WDR49: variants seen among roughly 807,000 people sequenced by gnomAD.
WDR49 encodes the protein WD repeat domain 49, also known as cilia- and flagella-associated protein 337.
WDR49 carries 107 observed loss-of-function variants against 119.5 expected under a neutral mutation model. The ratio of observed to expected loss-of-function variants is 0.90; its 90% CI spans 0.77 to 1.05. The LOEUF is 1.05. WDR49 is among the 50% of genes least tolerant of loss of function. The probability of loss-of-function intolerance (pLI) is 0.00; values close to 1 mark genes in which losing one functional copy is unlikely to be tolerated. For synonymous variants in WDR49, 425 were observed against 418.8 expected, an observed-to-expected ratio of 1.01 and a Z score of -0.18; for missense variants, 1,240 against 1,220.5, an observed-to-expected ratio of 1.02 and a Z score of -0.24.
intron 12 of WDR49, 74 bp from the exon 13 acceptor site, chr3:167,531,353 C>T: frequency 1.3e-6 from 2 of 1,509,422 alleles, no homozygotes; most frequent in South Asian, 1.2e-5. Flanking sequence ...TATGAAATAG[C>T]AGGCCCACAT....
At chr3:167,519,475 T>A (rs1193121036) in intron 16 of WDR49, among the ~76,000 whole-genome samples, 1 of 152,156 alleles carries the variant, frequency 6.6e-6, no homozygotes, top group African/African-American at 2.4e-5. Context: ...TGAGATAATG[T>A]CCTCTGCAGG....
chr3:167,522,486 T>C lies in WDR49; in HGVS notation c.2605-2A>G, dbSNP rs1445158720. On this transcript the variant is annotated splice_acceptor_variant, in intron 15 of 18. Coordinates refer to ENST00000682715, the MANE Select transcript of WDR49 (RefSeq NM_001366157.1). LOFTEE classifies it high-confidence loss of function. ...GTTTTCAATATGCCAGTGCTTTGCCTGAAAAAAACGAAAACATCTGTTTTA... is the reference window on the plus strand; with the variant it reads ...GTTTTCAATATGCCAGTGCTTTGCCCGAAAAAAACGAAAACATCTGTTTTA... The C allele has an allele frequency of 6.3e-7, 1 of 1,584,412 alleles. No individual in the cohort carries two copies. Among genetic ancestry groups the C allele is most frequent in the Non-Finnish European group, 8.5e-7 (1 of 1,173,128 alleles).
chr3:167,504,437 G>A (rs560346898), intron 17 of WDR49, among the ~76,000 whole-genome samples: 91 of 152,324 alleles, frequency 6.0e-4, no homozygotes, highest in Admixed American at 1.8e-3. Context: ...AGACTTGCCT[G>A]GAGCCTAGAG....
intron 10 of WDR49, among the ~76,000 whole-genome samples, chr3:167,553,081 C>T (rs958327391): frequency 2.0e-5 from 3 of 151,952 alleles, no homozygotes; most frequent in Admixed American, 1.3e-4. Context: ...TTGTTAAATG[C>T]CTCCTGGTAA....
chr3:167,527,762 C>T, intron 15 of WDR49, 58 bp downstream of exon 15: 1 of 1,508,610 alleles, frequency 6.6e-7, no homozygotes, highest in Non-Finnish European at 9.0e-7. Context: ...AGAAATCAGC[C>T]CAAGTTAATA....
chr3:167,585,268 GC>G (rs1183034898), intron 7 of WDR49, among the ~76,000 whole-genome samples: 1 of 152,086 alleles, frequency 6.6e-6, no homozygotes, highest in Non-Finnish European at 1.5e-5. Context: ...TGATGAGCAT[GC>G]CTATTGGTAC....
At position 167,502,409 on chromosome 3, in the gene WDR49, G is replaced by A. The variant is rs545344783; in HGVS notation, c.2885-2110C>T. ...CATTGCTATAAAGATACCTGAAAAC[G>A]TGCAAGTGGCTTTGGAACTGGCTAA... On this transcript the variant is annotated intron_variant, in intron 17 of 18. Transcript: ENST00000682715. Among the ~76,000 whole-genome samples the A allele has an allele frequency of 4.2e-4, 64 of 152,310 alleles. No homozygotes were observed. The South Asian group carries it at 0.012, about 29-fold the overall frequency.
At chr3:167,554,595 T>C (rs1712803467) in intron 10 of WDR49, 55 bp downstream of exon 10, 1 of 1,212,928 alleles carries the variant, frequency 8.2e-7, no homozygotes, top group African/African-American at 1.6e-5. Context: ...ACCAAGATTT[T>C]TATGTTCTTT....
At chr3:167,645,046 T>A (rs1718053442) in intron 2 of WDR49, among the ~76,000 whole-genome samples, 1 of 151,928 alleles carries the variant, frequency 6.6e-6, no homozygotes, top group Non-Finnish European at 1.5e-5. Flanking sequence ...TGTGTATATA[T>A]GGATAAAAAT....
At chr3:167,629,407 T>G (rs1717268466) in intron 2 of WDR49, among the ~76,000 whole-genome samples, 1 of 152,074 alleles carries the variant, frequency 6.6e-6, no homozygotes, top group South Asian at 2.1e-4. Flanking sequence ...TTTAAAAGGG[T>G]ACTGCTCCAC....
intron 15 of WDR49, among the ~76,000 whole-genome samples, chr3:167,525,861 C>CAAA (rs34265030): frequency 5.0e-4 from 75 of 150,130 alleles, no homozygotes; most frequent in Admixed American, 1.0e-3. Flanking sequence ...AAACAAACAA[C>CAAA]AAAAAAAAAC....
chr3:167,515,209 C>G (rs545131965), intron 16 of WDR49, among the ~76,000 whole-genome samples: 1 of 152,224 alleles, frequency 6.6e-6, no homozygotes, highest in Admixed American at 6.5e-5. Flanking sequence ...AGCCAATATC[C>G]CTGATGAACA....
intron 9 of WDR49, among the ~76,000 whole-genome samples, chr3:167,556,242 T>C (rs1577237476): frequency 2.0e-5 from 3 of 152,312 alleles, no homozygotes; most frequent in East Asian, 3.9e-4. Context: ...GTTGACATCC[T>C]GAAGTTTTCA....
intron 5 of WDR49, among the ~76,000 whole-genome samples, chr3:167,610,309 T>C (rs1644540578): frequency 6.6e-6 from 1 of 152,174 alleles, no homozygotes; most frequent in South Asian, 2.1e-4. Context: ...AGGAGTCCAC[T>C]GCCCTGAAGG....
chr3:167,583,945 G>A (rs1291189837), intron 7 of WDR49, among the ~76,000 whole-genome samples: 8 of 152,084 alleles, frequency 5.3e-5, no homozygotes, highest in African/African-American at 1.9e-4. Flanking sequence ...GTCACTATGA[G>A]GAAGAATCAC....
intron 10 of WDR49, among the ~76,000 whole-genome samples, chr3:167,542,785 G>A (rs1043193131): frequency 6.6e-6 from 1 of 151,402 alleles, no homozygotes; most frequent in African/African-American, 2.4e-5. Context: ...AATATAACAA[G>A]GATCACAGCA....
chr3:167,534,772 C>G (rs977711229), intron 11 of WDR49, among the ~76,000 whole-genome samples: 1 of 152,238 alleles, frequency 6.6e-6, no homozygotes, highest in Non-Finnish European at 1.5e-5. Flanking sequence ...TTTTCATTCT[C>G]TTTAATATGC....
At chr3:167,646,356 G>A (rs897490710) in intron 2 of WDR49, among the ~76,000 whole-genome samples, 11 of 152,154 alleles carry the variant, frequency 7.2e-5, no homozygotes, top group African/African-American at 2.7e-4. Flanking sequence ...CTGGGGCCAA[G>A]GATCAGTTTG....
At chr3:167,576,855 G>C (rs1285290818) in intron 7 of WDR49, among the ~76,000 whole-genome samples, 1 of 152,012 alleles carries the variant, frequency 6.6e-6, no homozygotes, top group Non-Finnish European at 1.5e-5. Flanking sequence ...CTCTCCGTCT[G>C]TCTATATATA....
Sources: gnomAD v4.1 joint callset for allele counts (sites outside exome capture counted in the v4.1 genomes callset) on GRCh38, gnomAD v4.1.1 for gene constraint, MANE v1.5 for transcripts, NCBI Gene and HGNC (gene_info 2026-07-23, HGNC 2026-07-21) for gene names.